Variants in ZNRF2 observed in about 807,000 individuals in gnomAD.
The protein encoded by ZNRF2 is E3 ubiquitin-protein ligase ZNRF2.
A neutral mutation model predicts 20.4 loss-of-function variants in ZNRF2; 16 were observed. The observed-to-expected ratio is 0.79, with a 90% CI of 0.53 to 1.19. ZNRF2 has a LOEUF of 1.19. Among genes scored for constraint, ZNRF2 ranks in the 50% most tolerant of loss-of-function variants. The pLI, the probability that ZNRF2 is intolerant of heterozygous loss-of-function variation, is 0.00. For missense variants in ZNRF2, 363 were observed against 332.4 expected (o/e 1.09, Z -0.72); for synonymous variants, 178 against 144.9 (o/e 1.23, Z -1.64).
chr7:30,288,513 CATA>C (rs781136952), intron 1 of ZNRF2, among the ~76,000 whole-genome samples: 7 of 152,172 alleles, frequency 4.6e-5, no homozygotes, highest in Admixed American at 2.0e-4. Context: ...GTAGTTCTCT[CATA>C]ATGAATTGCC....
At chr7:30,304,937 A>G (rs774001447) in intron 1 of ZNRF2, among the ~76,000 whole-genome samples, 4 of 152,220 alleles carry the variant, frequency 2.6e-5, no homozygotes, top group Non-Finnish European at 5.9e-5. Flanking sequence ...AAATATAACC[A>G]TCATTAAAAT....
intron 2 of ZNRF2, among the ~76,000 whole-genome samples, chr7:30,335,578 T>C (rs1164096631): frequency 6.6e-6 from 1 of 152,138 alleles, no homozygotes. Flanking sequence ...CGTATTCATA[T>C]GTATACATAC....
intron 1 of ZNRF2, among the ~76,000 whole-genome samples, chr7:30,303,280 AAAAG>A (rs528555809): frequency 2.9e-3 from 438 of 152,132 alleles, no homozygotes; most frequent in Non-Finnish European, 4.8e-3. Flanking sequence ...AAAAAAAAGA[AAAAG>A]AAAAAGAAAA....
intron 1 of ZNRF2, among the ~76,000 whole-genome samples, chr7:30,287,768 A>G (rs1196131106): frequency 2.0e-5 from 3 of 151,448 alleles, no homozygotes; most frequent in Non-Finnish European, 4.4e-5. Context: ...TCTGGAGACA[A>G]TTGTGCCGTA....
chr7:30,295,050 A>AGAGAGAGAGAGAGAGTGTGT (rs1412764480), intron 1 of ZNRF2, among the ~76,000 whole-genome samples: 4 of 38,238 alleles, frequency 1.0e-4, no homozygotes, highest in African/African-American at 3.8e-4. Flanking sequence ...AGAGAGAGAG[A>AGAGAGAGAGAGAGAGTGTGT]GTGTGTGTGT....
intron 1 of ZNRF2, among the ~76,000 whole-genome samples, chr7:30,290,771 A>G (rs2128054867): frequency 6.6e-6 from 1 of 152,354 alleles, no homozygotes; most frequent in Middle Eastern, 3.4e-3. Context: ...TGACAGCTGA[A>G]CATGTAACTT....
At chr7:30,309,155 CAT>C (rs377484116) in intron 1 of ZNRF2, among the ~76,000 whole-genome samples, 29 of 152,188 alleles carry the variant, frequency 1.9e-4, no homozygotes, top group African/African-American at 3.9e-4. Flanking sequence ...CGTATTAAAA[CAT>C]GTAAAAATTC....
chr7:30,289,853 G>C (rs1430433213), intron 1 of ZNRF2: 2 of 534,444 alleles, frequency 3.7e-6, no homozygotes, highest in South Asian at 1.4e-5. Context: ...TTGTAAGATA[G>C]TGTCTTACTC....
chr7:30,342,507 G>A (rs944843532), intron 2 of ZNRF2, among the ~76,000 whole-genome samples: 5 of 152,154 alleles, frequency 3.3e-5, no homozygotes, highest in Non-Finnish European at 7.4e-5. Flanking sequence ...GACTGGATAC[G>A]AAATTCTGGG....
chr7:30,325,754 G>A (rs1031845091), intron 2 of ZNRF2, among the ~76,000 whole-genome samples: 1 of 152,118 alleles, frequency 6.6e-6, no homozygotes, highest in African/African-American at 2.4e-5. Flanking sequence ...GTGGTTTTAA[G>A]CAGTTACTTG....
intron 2 of ZNRF2, among the ~76,000 whole-genome samples, chr7:30,330,536 C>A (rs1301752914): frequency 3.3e-5 from 5 of 152,068 alleles, no homozygotes; most frequent in Admixed American, 1.3e-4. Flanking sequence ...GCATATACAG[C>A]CTGCTAATCA....
chr7:30,295,211 A>G (rs1798999421), intron 1 of ZNRF2, among the ~76,000 whole-genome samples: 1 of 151,744 alleles, frequency 6.6e-6, no homozygotes, highest in Non-Finnish European at 1.5e-5. Context: ...TGAAGGGAGT[A>G]CCTTTCTCTA....
chr7:30,352,051 G>A (rs772428989), intron 2 of ZNRF2, among the ~76,000 whole-genome samples: 14 of 151,806 alleles, frequency 9.2e-5, no homozygotes, highest in Non-Finnish European at 1.3e-4. Flanking sequence ...AGTACTATCT[G>A]ATAATAACTA....
At position 30,309,525 on chromosome 7, in the gene ZNRF2, G is replaced by C. The variant is rs559971494; in HGVS notation, c.470-14117G>C. Among the ~76,000 whole-genome samples the C allele has an allele frequency of 1.2e-4, 19 of 152,276 alleles. No homozygotes were observed. In the South Asian group the frequency reaches 3.9e-3, roughly 32 times the overall value. On this transcript the variant is annotated intron_variant, in intron 1 of 4. Coordinates refer to ENST00000323037, the MANE Select transcript of ZNRF2 (RefSeq NM_147128.4). ...AAACTTTCACATCTGTCAACCTTTT[G>C]CTGTGGTATTGTGCAGAGTTCACTA... is the stretch of plus-strand genomic sequence containing the variant.
At chr7:30,293,129 A>C (rs1798941550) in intron 1 of ZNRF2, among the ~76,000 whole-genome samples, 3 of 152,086 alleles carry the variant, frequency 2.0e-5, no homozygotes, top group Non-Finnish European at 2.9e-5. Flanking sequence ...TGGAGGTATG[A>C]GAGAAAATGA....
At chr7:30,349,043 G>A (rs998501088) in intron 2 of ZNRF2, among the ~76,000 whole-genome samples, 2 of 152,134 alleles carry the variant, frequency 1.3e-5, no homozygotes, top group Admixed American at 6.5e-5. Context: ...ATTTATTGTT[G>A]TATGTTGTCA....
intron 1 of ZNRF2, among the ~76,000 whole-genome samples, chr7:30,311,110 C>T (rs1032433094): frequency 1.3e-5 from 2 of 152,138 alleles, no homozygotes; most frequent in African/African-American, 4.8e-5. Flanking sequence ...GTACTCTCTG[C>T]GCTGTATGTA....
intron 1 of ZNRF2, among the ~76,000 whole-genome samples, chr7:30,320,467 A>G (rs1241025897): frequency 1.3e-5 from 2 of 152,198 alleles, no homozygotes; most frequent in African/African-American, 4.8e-5. Context: ...TGCTTTACAT[A>G]GATGTTTAAC....
chr7:30,336,613 A>G lies in ZNRF2; in HGVS notation c.565+12876A>G, dbSNP rs1799719579. Among the ~76,000 whole-genome samples, 4 of 152,078 alleles carry G rather than the reference A, an allele frequency of 2.6e-5. No homozygotes were observed. In the South Asian group the frequency reaches 8.3e-4, roughly 31 times the overall value. On this transcript the variant is annotated intron_variant, in intron 2 of 4. Coordinates refer to ENST00000323037, the MANE Select transcript of ZNRF2 (RefSeq NM_147128.4). ...TTAATTTCTAGGTAGTTTCTCATTT[A>G]ATTTTTAACTTTTTCTTTGATTCAG... is the stretch of plus-strand genomic sequence containing the variant.
Sources: allele counts gnomAD v4.1 joint callset (sites outside exome capture counted in the v4.1 genomes callset), GRCh38; gene constraint gnomAD v4.1.1; transcripts MANE v1.5; gene names NCBI Gene and HGNC (gene_info 2026-07-23, HGNC 2026-07-21).